Variants in DCC observed in about 807,000 individuals in gnomAD.
DCC encodes the protein DCC netrin 1 receptor, also known as netrin receptor DCC.
DCC carries 58 observed loss-of-function variants against 172.5 expected under a neutral mutation model. That is an observed-to-expected ratio of 0.34 (90% confidence interval 0.27 to 0.42). The LOEUF (loss-of-function observed/expected upper bound fraction) is 0.42, where lower values mean the gene tolerates loss of function less well. DCC is among the 10% of genes least tolerant of loss of function. DCC has a pLI of 1.00. For synonymous variants in DCC, 709 were observed against 644.5 expected, an observed-to-expected ratio of 1.10 and a Z score of -1.52; for missense variants, 1,740 against 1,791.0, an observed-to-expected ratio of 0.97 and a Z score of 0.51.
At chr18:53,297,126 C>G (rs999886677) in intron 12 of DCC, among the ~76,000 whole-genome samples, 2 of 146,938 alleles carry the variant, frequency 1.4e-5, no homozygotes. Flanking sequence ...GTGGGCTTAT[C>G]AACCTCTTTT....
At chr18:53,176,644 A>G (rs1472441998) in intron 8 of DCC, among the ~76,000 whole-genome samples, 1 of 152,180 alleles carries the variant, frequency 6.6e-6, no homozygotes, top group African/African-American at 2.4e-5. Context: ...ATCTCACACC[A>G]GTTAGAATGG....
At chr18:53,092,858 T>A (rs533017462) in intron 7 of DCC, among the ~76,000 whole-genome samples, 1 of 152,110 alleles carries the variant, frequency 6.6e-6, no homozygotes, top group East Asian at 1.9e-4. Context: ...GAAATGAATT[T>A]CTATTCAAAC....
chr18:53,318,033 T>C (rs2057363301), intron 13 of DCC, among the ~76,000 whole-genome samples: 1 of 152,178 alleles, frequency 6.6e-6, no homozygotes, highest in Admixed American at 6.5e-5. Flanking sequence ...CTTTTGAATT[T>C]GTTTACTCTT....
At chr18:53,486,005 G>A (rs992943046) in intron 25 of DCC, among the ~76,000 whole-genome samples, 35 of 151,630 alleles carry the variant, frequency 2.3e-4, no homozygotes, top group African/African-American at 8.2e-4. Context: ...ATTTTGCTTT[G>A]GCATAATAAA....
At chr18:52,917,640 T>C (rs1231934045) in intron 3 of DCC, among the ~76,000 whole-genome samples, 3 of 152,194 alleles carry the variant, frequency 2.0e-5, no homozygotes, top group Non-Finnish European at 2.9e-5. Flanking sequence ...AGGCAACGTA[T>C]TGCCATAGGG....
intron 8 of DCC, among the ~76,000 whole-genome samples, chr18:53,172,396 C>G (rs935750447): frequency 6.7e-6 from 1 of 150,188 alleles, no homozygotes; most frequent in African/African-American, 2.5e-5. Flanking sequence ...CAAGATCAAT[C>G]ATACCTCAAA....
chr18:52,397,473 C>G (rs567967707), intron 1 of DCC, among the ~76,000 whole-genome samples: 1 of 152,066 alleles, frequency 6.6e-6, no homozygotes, highest in Non-Finnish European at 1.5e-5. Flanking sequence ...GAATGTAACA[C>G]TATTGCTGCT....
rs115597663 is a variant in DCC, at chr18:53,210,219, G to C, written c.1861+2402G>C. Among the ~76,000 whole-genome samples the C allele has an allele frequency of 4.3e-3, 654 of 152,130 alleles. 3 individuals carry two copies. The highest frequency in any genetic ancestry group is 0.015 in the African/African-American group (617 of 41,500). On this transcript the variant is annotated intron_variant, in intron 11 of 28. Coordinates refer to ENST00000442544, the MANE Select transcript of DCC (RefSeq NM_005215.4). ...ACTTCAATCTCATGTCTCCTCCTCT[G>C]TCCTGAAGCTGTTCATGCTGAGGTC...
At chr18:53,096,940 C>A (rs1191409240) in intron 7 of DCC, among the ~76,000 whole-genome samples, 1 of 151,806 alleles carries the variant, frequency 6.6e-6, no homozygotes, top group South Asian at 2.1e-4. Flanking sequence ...AAAGGGTTTA[C>A]AAAGCTAGAT....
chr18:53,208,392 T>C (rs964424813), intron 11 of DCC, among the ~76,000 whole-genome samples: 14 of 152,124 alleles, frequency 9.2e-5, no homozygotes, highest in Admixed American at 4.6e-4. Context: ...AAACTTTGTG[T>C]ATTTTTTATT....
At chr18:53,437,959 A>G (rs566229155) in intron 22 of DCC, among the ~76,000 whole-genome samples, 5 of 152,174 alleles carry the variant, frequency 3.3e-5, no homozygotes, top group Non-Finnish European at 7.3e-5. Context: ...ATGAAAGAGG[A>G]TGAGAAAATC....
chr18:52,350,364 G>C (rs1339315764), intron 1 of DCC, among the ~76,000 whole-genome samples: 2 of 152,198 alleles, frequency 1.3e-5, no homozygotes. Context: ...TGTTGAACCA[G>C]CCTTTGCAGG....
chr18:52,763,418 T>C (rs2037193778), intron 2 of DCC, among the ~76,000 whole-genome samples: 1 of 152,210 alleles, frequency 6.6e-6, no homozygotes, highest in Non-Finnish European at 1.5e-5. Context: ...AGGCACAGGT[T>C]CCAGGAGCAT....
intron 1 of DCC, among the ~76,000 whole-genome samples, chr18:52,625,860 C>A (rs1466163834): frequency 6.6e-6 from 1 of 152,144 alleles, no homozygotes; most frequent in African/African-American, 2.4e-5. Context: ...TGTTTTAATG[C>A]AGGGGATTAC....
intron 15 of DCC, among the ~76,000 whole-genome samples, chr18:53,349,461 C>T (rs373710271): frequency 3.8e-4 from 58 of 152,282 alleles, no homozygotes; most frequent in African/African-American, 1.3e-3. Flanking sequence ...TACCCAGTTC[C>T]GAAGTCACTT....
At chr18:52,364,491 A>G (rs1243335723) in intron 1 of DCC, among the ~76,000 whole-genome samples, 1 of 152,190 alleles carries the variant, frequency 6.6e-6, no homozygotes, top group Non-Finnish European at 1.5e-5. Context: ...TCTATTATGA[A>G]TGCAATTAAA....
intron 7 of DCC, among the ~76,000 whole-genome samples, chr18:53,123,840 G>A (rs531787282): frequency 2.6e-5 from 4 of 151,988 alleles, no homozygotes; most frequent in South Asian, 2.1e-4. Flanking sequence ...TGCTATACCC[G>A]TCTCATCTTC....
At chr18:52,924,984 T>C (rs2145487981) in intron 4 of DCC, among the ~76,000 whole-genome samples, 1 of 151,878 alleles carries the variant, frequency 6.6e-6, no homozygotes, top group South Asian at 2.1e-4. Context: ...ATTTTTTTTT[T>C]AGCACTAAAG....
intron 1 of DCC, among the ~76,000 whole-genome samples, chr18:52,587,814 T>A (rs2033710165): frequency 6.6e-6 from 1 of 152,090 alleles, no homozygotes; most frequent in South Asian, 2.1e-4. Flanking sequence ...GTCTTCTCTT[T>A]CTCTGTCAAC....
Sources: gnomAD v4.1 joint callset for allele counts (sites outside exome capture counted in the v4.1 genomes callset) on GRCh38, gnomAD v4.1.1 for gene constraint, MANE v1.5 for transcripts, NCBI Gene and HGNC (gene_info 2026-07-23, HGNC 2026-07-21) for gene names.